REN: variants seen among roughly 807,000 people sequenced by gnomAD.
REN encodes renin, also known as angiotensin-forming enzyme.
REN carries 42 observed loss-of-function variants against 48.6 expected under a neutral mutation model. The observed-to-expected ratio is 0.86, with a 90% CI of 0.68 to 1.12. The LOEUF (loss-of-function observed/expected upper bound fraction) is 1.12, where lower values mean the gene tolerates loss of function less well. REN is among the 50% of genes most tolerant of loss of function. REN has a pLI of 0.00. For missense variants in REN, 443 were observed against 527.3 expected (o/e 0.84, Z 1.57); for synonymous variants, 196 against 204.6 (o/e 0.96, Z 0.36).
intron 1 of REN, among the ~76,000 whole-genome samples, chr1:204,163,579 C>T (rs1658287021): frequency 6.6e-6 from 1 of 152,148 alleles, no homozygotes; most frequent in Non-Finnish European, 1.5e-5. Context: ...TCCTTTCCTT[C>T]TTCCCTTCCT....
intron 5 of REN, among the ~76,000 whole-genome samples, chr1:204,157,841 C>T (rs2102311783): frequency 6.6e-6 from 1 of 152,314 alleles, no homozygotes; most frequent in South Asian, 2.1e-4. Flanking sequence ...TTCAGTATCT[C>T]TCTGGATGTT....
chr1:204,159,059 C>G (rs530945692), intron 5 of REN, among the ~76,000 whole-genome samples: 1 of 152,280 alleles, frequency 6.6e-6, no homozygotes, highest in South Asian at 2.1e-4. Context: ...TCCTCTTGCT[C>G]CAGAGTGGCG....
At position 204,160,949 on chromosome 1, in the gene REN, T is replaced by G. The variant is rs142599106; in HGVS notation, c.374-271A>C. ...ACCAGAGAAGATGCCAGGCACAGAG[T>G]AAGTGCCTAGTAAGAGGTTGTTGAT... is the stretch of plus-strand genomic sequence containing the variant. On this transcript the variant is annotated intron_variant, in intron 3 of 9. Coordinates refer to ENST00000272190, the MANE Select transcript of REN (RefSeq NM_000537.4). Among the ~76,000 whole-genome samples the G allele has an allele frequency of 3.9e-4, 59 of 152,076 alleles. 2 individuals are homozygous for G. In the South Asian group the frequency reaches 0.012, roughly 32 times the overall value.
At chr1:204,157,471 C>A in intron 5 of REN, 102 bp from the exon 6 acceptor site, 1 of 1,529,204 alleles carries the variant, frequency 6.5e-7, no homozygotes, top group Non-Finnish European at 9.1e-7. Flanking sequence ...CTTTGCCCTT[C>A]AGGCAATGGA....
intron 1 of REN, among the ~76,000 whole-genome samples, chr1:204,163,122 C>T (rs1034731484): frequency 1.3e-5 from 2 of 152,184 alleles, no homozygotes; most frequent in Non-Finnish European, 2.9e-5. Context: ...TAGCTGTTCA[C>T]GGGAAGGTCC....
chr1:204,161,178 G>A, intron 3 of REN, 114 bp downstream of exon 3: 8 of 1,206,532 alleles, frequency 6.6e-6, no homozygotes, highest in Non-Finnish European at 9.1e-6. Context: ...CAGAGGCAGA[G>A]AGGAAGCCAC....
intron 1 of REN, among the ~76,000 whole-genome samples, chr1:204,164,269 C>T (rs1042594606): frequency 6.6e-6 from 1 of 152,166 alleles, no homozygotes; most frequent in Non-Finnish European, 1.5e-5. Context: ...AAAGCAGTTT[C>T]GGAAGCAAAA....
At chr1:204,160,317 G>A (rs941141370) in intron 4 of REN, among the ~76,000 whole-genome samples, 1 of 152,232 alleles carries the variant, frequency 6.6e-6, no homozygotes, top group Non-Finnish European at 1.5e-5. Flanking sequence ...AGCCCTACAT[G>A]CAAGTTAGAT....
intron 2 of REN, among the ~76,000 whole-genome samples, chr1:204,161,728 C>T (rs1658249519): frequency 6.6e-6 from 1 of 152,006 alleles, no homozygotes; most frequent in Non-Finnish European, 1.5e-5. Flanking sequence ...TCACAGAAAC[C>T]CCCACCTGAG....
intron 1 of REN, among the ~76,000 whole-genome samples, chr1:204,165,595 C>T (rs899910808): frequency 1.4e-5 from 2 of 147,926 alleles, no homozygotes; most frequent in Admixed American, 6.7e-5. Context: ...CCCCGACCCC[C>T]GTCTTTTTTT....
Position 204,154,831 on chromosome 1 carries a change from G to A in REN, c.*185C>T, listed in dbSNP as rs1658120381. ...AGATGCAACAGGCTGTGAACATGAA[G>A]TCTTTATTCTCTTTGTCCTCAAAGC... On this transcript the variant is annotated 3_prime_UTR_variant, in exon 10 of 10. Coordinates refer to ENST00000272190, the MANE Select transcript of REN (RefSeq NM_000537.4). 2 of 678,494 alleles carry A rather than the reference G, an allele frequency of 2.9e-6. No individual in the cohort carries two copies. Among genetic ancestry groups the A allele is most frequent in the East Asian group, 2.7e-5 (1 of 36,648 alleles). The allele number at this position is 678,494 out of a possible 1,614,324, so 42.0% of individuals were successfully genotyped here. A position where few individuals can be genotyped will look rare whatever the true frequency, so the allele number is the denominator to read the frequency against.
chr1:204,155,053 C>T lies in REN; in HGVS notation c.1184G>A (p.Arg395Gln), dbSNP rs772034401. ...FIRKFYTEFD[R>Q]RNNRIGFALA... The stretch of plus-strand genomic sequence containing the variant: ...GGCGAAGCCAATGCGGTTGTTACGC[C>T]GATCAAACTCTGTGTAGAACTTTCG... The change falls in exon 10 of 10, where the codon CGG becomes CAG. Residue 395 changes from arginine to glutamine, a missense_variant. Coordinates refer to ENST00000272190, the MANE Select transcript of REN (RefSeq NM_000537.4). 8.1e-6 allele frequency: 13 copies of T among 1,614,180 alleles called. No homozygotes were observed. Among genetic ancestry groups the T allele is most frequent in the East Asian group, 6.7e-5 (3 of 44,886 alleles).
chr1:204,166,120 G>T, intron 1 of REN, 76 bp downstream of exon 1: 2 of 1,221,808 alleles, frequency 1.6e-6, no homozygotes, highest in Non-Finnish European at 2.4e-6. Flanking sequence ...GACACCGCAT[G>T]TGGAAAAGCC....
chr1:204,162,075 G>T lies in REN; in HGVS notation c.187C>A (p.Pro63Thr). Residue 63 changes from proline (P) to threonine (T), a missense_variant, in exon 2 of 10, where the codon CCC becomes ACC. Transcript: ENST00000272190. ...MARLGPEWSQ[P>T]MKRLTLGNTT... Reference sequence around the variant, plus strand: ...TTGCCAAGTGTCAGCCTCTTCATGGGTTGGCTCCACTCGGGACCAAGCCTG... The same window carrying T: ...TTGCCAAGTGTCAGCCTCTTCATGGTTTGGCTCCACTCGGGACCAAGCCTG... The T allele has an allele frequency of 1.2e-6, 2 of 1,614,104 alleles. No individual in the cohort carries two copies. The highest frequency in any genetic ancestry group is 1.7e-6 in the Non-Finnish European group (2 of 1,180,026).
chr1:204,158,317 G>A (rs754696566), intron 5 of REN, among the ~76,000 whole-genome samples: 3 of 151,890 alleles, frequency 2.0e-5, no homozygotes, highest in East Asian at 1.9e-4. Context: ...TCACCAAACC[G>A]GAGACTCCTC....
rs3839003 is a variant in REN at position 204,156,336 on chromosome 1, T to TCAGACAGACAGACAGACAGA, written c.819-37_819-18dup. On this transcript the variant is annotated splice_polypyrimidine_tract_variant and intron_variant, in intron 7 of 9. Transcript: ENST00000272190. This position sits in a 1 kb window ranked among gnomAD's most constrained non-coding sequence, Gnocchi z 4.2. ...ACAGACACCCTGGGGGAGGCCACAG[T>TCAGACAGACAGACAGACAGA]CAGACAGACAGACAGACAGACAGAC... 6.4e-5 allele frequency: 101 copies of TCAGACAGACAGACAGACAGA among 1,587,920 alleles called. 2 individuals carry two copies. The East Asian group carries it at 7.7e-4, about 12-fold the overall frequency.
intron 4 of REN, among the ~76,000 whole-genome samples, chr1:204,159,926 C>T (rs1658213494): frequency 6.6e-6 from 1 of 152,186 alleles, no homozygotes; most frequent in South Asian, 2.1e-4. Context: ...TTGGCCCCCA[C>T]CCTTATCATG....
intron 5 of REN, chr1:204,159,194 G>A (rs1368723685): frequency 1.5e-6 from 1 of 652,722 alleles, no homozygotes; most frequent in African/African-American, 1.8e-5. Context: ...AGAGCCACCA[G>A]TTGAATGCTT....
chr1:204,164,866 T>G (rs1658316532), intron 1 of REN, among the ~76,000 whole-genome samples: 1 of 151,994 alleles, frequency 6.6e-6, no homozygotes, highest in South Asian at 2.1e-4. Context: ...CGTGCCCAGC[T>G]TCCTTCTACA....
Sources: allele counts gnomAD v4.1 joint callset (sites outside exome capture counted in the v4.1 genomes callset), GRCh38; gene constraint gnomAD v4.1.1; non-coding constraint Gnocchi (gnomAD v3.1); transcripts MANE v1.5; gene names NCBI Gene and HGNC (gene_info 2026-07-23, HGNC 2026-07-21).